Variants in ARHGEF10 observed in about 807,000 individuals in gnomAD.
ARHGEF10 encodes Rho guanine nucleotide exchange factor (GEF) 10.
Under a neutral mutation model 147.4 loss-of-function variants are expected in ARHGEF10, and 140 were observed. The ratio of observed to expected loss-of-function variants is 0.95; its 90% CI spans 0.83 to 1.09. The LOEUF is 1.09. ARHGEF10 is among the 50% of genes least tolerant of loss of function. The pLI is 0.00. For synonymous variants in ARHGEF10, 902 were observed against 695.8 expected (o/e 1.30, Z -4.67); for missense variants, 2,222 against 1,752.7 (o/e 1.27, Z -4.78).
intron 17 of ARHGEF10, among the ~76,000 whole-genome samples, chr8:1,908,675 G>A (rs1049672219): frequency 1.3e-5 from 2 of 152,166 alleles, no homozygotes; most frequent in Non-Finnish European, 2.9e-5. Context: ...CTTGGAGTCC[G>A]CTACACAGAT....
intron 26 of ARHGEF10, among the ~76,000 whole-genome samples, chr8:1,938,711 G>A (rs1813825173): frequency 6.6e-6 from 1 of 152,146 alleles, no homozygotes; most frequent in Non-Finnish European, 1.5e-5. Flanking sequence ...TGAGGCAGGA[G>A]GACTGCTTGA....
intron 10 of ARHGEF10, among the ~76,000 whole-genome samples, chr8:1,884,766 C>T (rs1364234673): frequency 6.6e-6 from 1 of 152,132 alleles, no homozygotes; most frequent in East Asian, 1.9e-4. Context: ...TGAATGTAGG[C>T]GTTTTCTTGT....
intron 18 of ARHGEF10, among the ~76,000 whole-genome samples, chr8:1,914,431 G>A (rs1357055317): frequency 6.6e-6 from 1 of 152,208 alleles, no homozygotes; most frequent in Non-Finnish European, 1.5e-5. Context: ...GCCCCTGCCC[G>A]ATGCACTGCA....
At position 1,843,453 on chromosome 8, in the gene ARHGEF10, G is replaced by A; in HGVS notation, c.37+17G>A. On this transcript the variant is annotated intron_variant, in intron 2 of 28. Transcript: ENST00000349830. ...CTCCTGCAGGTAACAGCACTCAGTAGGTGGGCCTGTGGGTCAGGTTGTGCT... is the reference window on the plus strand; with the variant it reads ...CTCCTGCAGGTAACAGCACTCAGTAAGTGGGCCTGTGGGTCAGGTTGTGCT... 1 of 1,605,540 alleles carries A rather than the reference G, an allele frequency of 6.2e-7. No homozygotes were observed. Among genetic ancestry groups the A allele is most frequent in the Non-Finnish European group, 8.5e-7 (1 of 1,173,600 alleles).
Position 1,880,044 on chromosome 8 carries a change from G to T in ARHGEF10, c.844-4G>T. 6.3e-7 allele frequency: 1 copy of T among 1,597,224 alleles called. No homozygotes were observed. Among genetic ancestry groups the T allele is most frequent in the Non-Finnish European group, 8.6e-7 (1 of 1,164,546 alleles). The stretch of plus-strand genomic sequence containing the variant: ...TGAAAAGACTGTGTCTCTTTATGCT[G>T]TAGCTTTCTCATGACCTAACCCGTT... On this transcript the variant is annotated splice_polypyrimidine_tract_variant and splice_region_variant and intron_variant, in intron 8 of 28. Transcript: ENST00000349830.
Position 1,898,382 on chromosome 8 carries a change from G to A in ARHGEF10, c.1558-51G>A, listed in dbSNP as rs751124753. 1.9e-6 allele frequency: 3 copies of A among 1,551,016 alleles called. 1 individual carries two copies. The highest frequency in any genetic ancestry group is 2.3e-5 in the East Asian group (1 of 44,376). On this transcript the variant is annotated intron_variant, in intron 14 of 28. Coordinates refer to ENST00000349830, the MANE Select transcript of ARHGEF10 (RefSeq NM_014629.4). Reference sequence around the variant, plus strand: ...GGGGAGGAGGCGGCCCCAGGGGCAGGGAGGGCATGGCAGCCCTGCAGGGAG... The same window carrying A: ...GGGGAGGAGGCGGCCCCAGGGGCAGAGAGGGCATGGCAGCCCTGCAGGGAG...
At chr8:1,919,499 G>A (rs904421649) in intron 18 of ARHGEF10, among the ~76,000 whole-genome samples, 85 of 149,044 alleles carry the variant, frequency 5.7e-4, no homozygotes, top group Non-Finnish European at 1.0e-3. Flanking sequence ...GAGCTGTTCC[G>A]TGGGTGATGG....
chr8:1,914,623 A>G (rs545144705), intron 18 of ARHGEF10, among the ~76,000 whole-genome samples: 1 of 152,360 alleles, frequency 6.6e-6, no homozygotes, highest in East Asian at 1.9e-4. Context: ...GTGTTTTGAA[A>G]TACACAGCAG....
intron 25 of ARHGEF10, among the ~76,000 whole-genome samples, chr8:1,931,339 A>G (rs755588238): frequency 9.2e-5 from 14 of 152,190 alleles, no homozygotes; most frequent in Non-Finnish European, 1.3e-4. Context: ...ATTACGTAAA[A>G]TGTATTTTAT....
rs113141198 is a variant in ARHGEF10 at position 1,855,206 on chromosome 8, A to G, written c.38-2754A>G. On this transcript the variant is annotated intron_variant, in intron 2 of 28. Transcript: ENST00000349830. The stretch of plus-strand genomic sequence containing the variant: ...CATTGTCAAGCTTTTTTAAAAAACA[A>G]TATTTATAGACTCATGTCTAGGTGT... Among the ~76,000 whole-genome samples, 532 of 152,324 alleles carry G rather than the reference A, an allele frequency of 3.5e-3. 3 individuals carry two copies. The highest frequency in any genetic ancestry group is 0.012 in the African/African-American group (505 of 41,560).
At chr8:1,951,911 C>T (rs1815079887) in intron 27 of ARHGEF10, among the ~76,000 whole-genome samples, 1 of 152,118 alleles carries the variant, frequency 6.6e-6, no homozygotes, top group Admixed American at 6.5e-5. Context: ...GTGGGGTCTT[C>T]CTTGTAGCCA....
chr8:1,888,303 TTGTGAGGATATGCTGAGTGGGATGTTGAC>T (rs1808955058), intron 11 of ARHGEF10, among the ~76,000 whole-genome samples: 3 of 93,452 alleles, frequency 3.2e-5, no homozygotes, highest in Admixed American at 1.0e-4. Context: ...GGGTGAGGGT[TTGTGAGGATATGCTGAGTGGGATGTTGAC>T]TGTGAGGAGA....
At chr8:1,926,343 T>G in intron 22 of ARHGEF10, 34 bp from the exon 23 acceptor site, 1 of 1,571,528 alleles carries the variant, frequency 6.4e-7, no homozygotes, top group Non-Finnish European at 8.8e-7. Flanking sequence ...TAGCTCTGTT[T>G]TATATGTGAG....
At chr8:1,839,637 G>T (rs1391552896) in intron 1 of ARHGEF10, among the ~76,000 whole-genome samples, 8 of 144,376 alleles carry the variant, frequency 5.5e-5, no homozygotes, top group African/African-American at 2.1e-4. Flanking sequence ...AAGCTGTCTG[G>T]TGTGGGGACT....
At position 1,957,535 on chromosome 8, in the gene ARHGEF10, ATTCTT is replaced by A. The variant is rs1304830258; in HGVS notation, c.*275_*279del. ...GAGTGCAGTTCTGGGAAAATACCAC[ATTCTT>A]TTTGACTGCTGTAGTCCATATGTGA... On this transcript the variant is annotated 3_prime_UTR_variant, in exon 29 of 29. Transcript: ENST00000349830. 3.7e-5 allele frequency: 21 copies of A among 560,770 alleles called. No individual in the cohort carries two copies. In the African/African-American group the frequency reaches 3.8e-4, roughly 10 times the overall value. The allele number at this position is 560,770 out of a possible 1,614,324, so 34.7% of individuals were successfully genotyped here.
rs1007048188 is a variant in ARHGEF10 at position 1,828,948 on chromosome 8, T to C, written c.-48+4835T>C. Among the ~76,000 whole-genome samples the C allele has an allele frequency of 5.9e-5, 9 of 152,388 alleles. No homozygotes were observed. The East Asian group carries it at 9.6e-4, about 16-fold the overall frequency. On this transcript the variant is annotated intron_variant, in intron 1 of 28. Transcript: ENST00000349830. ...GATTTCAGTGCAGTGTCTGATTTTC[T>C]GTAAGGAACATGAGAAAAGTGAGTC...
chr8:1,899,129 G>C (rs1563254743), intron 15 of ARHGEF10, among the ~76,000 whole-genome samples: 1 of 152,218 alleles, frequency 6.6e-6, no homozygotes, highest in Non-Finnish European at 1.5e-5. Flanking sequence ...GGCCTGTTCT[G>C]AGTGCTGACG....
intron 16 of ARHGEF10, 162 bp downstream of exon 16, chr8:1,903,613 A>C: frequency 1.2e-6 from 1 of 809,464 alleles, no homozygotes; most frequent in Non-Finnish European, 2.0e-6. Flanking sequence ...GAGTCACACC[A>C]ATGTGGAAAT....
Position 1,903,338 on chromosome 8 carries a change from C to G in ARHGEF10, c.1708C>G (p.Leu570Val), listed in dbSNP as rs753891749. 1 of 1,614,114 alleles carries G rather than the reference C, an allele frequency of 6.2e-7. No individual in the cohort carries two copies. Among genetic ancestry groups the G allele is most frequent in the Non-Finnish European group, 8.5e-7 (1 of 1,180,036 alleles). Residue 570 changes from leucine to valine, a missense_variant, in exon 16 of 29, where the codon CTG becomes GTG. Coordinates refer to ENST00000349830, the MANE Select transcript of ARHGEF10 (RefSeq NM_014629.4). ...HPDRLPLQMALTELETLAEKL... is the reference protein window; with the variant it reads ...HPDRLPLQMAVTELETLAEKL... ...CGACAGGCTGCCTCTTCAGATGGCC[C>G]TGACAGAGCTCGAAACACTAGCAGA...
Sources: allele counts gnomAD v4.1 joint callset (sites outside exome capture counted in the v4.1 genomes callset), GRCh38; gene constraint gnomAD v4.1.1; transcripts MANE v1.5; gene names NCBI Gene and HGNC (gene_info 2026-07-23, HGNC 2026-07-21).